Variants in TENT5D observed in about 807,000 individuals in gnomAD.
The protein encoded by TENT5D is cancer/testis antigen 112.
For synonymous variants in TENT5D, 103 were observed against 100.6 expected, an observed-to-expected ratio of 1.02 and a Z score of -0.15; for missense variants, 191 against 287.0, an observed-to-expected ratio of 0.67 and a Z score of 2.42.
chrX:80,432,880 T>C (rs1287133116), intron 1 of TENT5D, among the ~76,000 whole-genome samples: 1 of 110,945 alleles, frequency 9.0e-6, no homozygotes, highest in Non-Finnish European at 1.9e-5. Flanking sequence ...CTATGCTTAG[T>C]CTGTAGGCTT....
At chrX:80,384,718 T>C (rs1287314054) in intron 3 of TENT5D, among the ~76,000 whole-genome samples, 3 of 105,307 alleles carry the variant, frequency 2.8e-5, no homozygotes, top group African/African-American at 1.0e-4. Flanking sequence ...ATAAGCAGCT[T>C]CAGCAAAGTC....
At chrX:80,436,242 A>T (rs1026307900) in intron 1 of TENT5D, among the ~76,000 whole-genome samples, 4 of 111,040 alleles carry the variant, frequency 3.6e-5, no homozygotes, top group African/African-American at 1.3e-4. Context: ...AATATAGTAG[A>T]CATTCAGAAA....
intron 3 of TENT5D, among the ~76,000 whole-genome samples, chrX:80,410,757 G>A (rs1931642245): frequency 9.1e-6 from 1 of 109,566 alleles, no homozygotes; most frequent in Non-Finnish European, 1.9e-5. Context: ...TATACCCAAA[G>A]GGCTATAAAT....
intron 2 of TENT5D, among the ~76,000 whole-genome samples, chrX:80,439,847 C>G (rs1174277139): frequency 1.8e-5 from 2 of 109,948 alleles, no homozygotes; most frequent in Non-Finnish European, 3.8e-5. Flanking sequence ...TTTTCTAGGG[C>G]TAATTTTAAA....
At chrX:80,357,403 C>T (rs1010310931) in intron 3 of TENT5D, among the ~76,000 whole-genome samples, 1 of 108,334 alleles carries the variant, frequency 9.2e-6, no homozygotes, top group African/African-American at 3.4e-5. Context: ...TCCTATTTCT[C>T]CACATCCTCT....
exon 3 of TENT5D, chrX:80,443,701 A>G (rs145427021): frequency 1.7e-6 from 2 of 1,167,719 alleles, no homozygotes; most frequent in African/African-American, 1.8e-5. Flanking sequence ...ATCAAATGGT[A>G]TGAGTTAAAA....
intron 2 of TENT5D, among the ~76,000 whole-genome samples, chrX:80,341,857 G>C (rs1029463961): frequency 3.8e-5 from 4 of 105,865 alleles, no homozygotes; most frequent in Non-Finnish European, 7.8e-5. Flanking sequence ...GACTACAGGC[G>C]CCCGCTACCA....
At chrX:80,348,865 A>G (rs948827601) in intron 3 of TENT5D, among the ~76,000 whole-genome samples, 6 of 112,166 alleles carry the variant, frequency 5.3e-5, no homozygotes, top group Admixed American at 9.5e-5. Flanking sequence ...AGTTTTTAAC[A>G]TGAAGGGGTG....
chrX:80,443,564 C>T (rs200280082), exon 3 of TENT5D: 1 of 1,209,093 alleles, frequency 8.3e-7, no homozygotes, highest in Non-Finnish European at 1.1e-6. Flanking sequence ...CTACCCAATA[C>T]ACAAAAGGTA....
chrX:80,429,371 C>T lies in TENT5D; in HGVS notation c.-142+8808C>T, dbSNP rs181320498. ...AGGCTGAAATGCAGTGGCACAATCT[C>T]GGCTCATTGAAACCTCCACGTCCTG... On this transcript the variant is annotated intron_variant, in intron 1 of 2. Transcript: ENST00000308293. Among the ~76,000 whole-genome samples the T allele has an allele frequency of 4.6e-3, 516 of 111,118 alleles. 7 individuals carry two copies. Among genetic ancestry groups the T allele is most frequent in the African/African-American group, 0.016 (491 of 30,543 alleles).
intron 3 of TENT5D, among the ~76,000 whole-genome samples, chrX:80,378,984 TATG>T (rs1343540188): frequency 2.8e-5 from 3 of 109,000 alleles, no homozygotes; most frequent in Non-Finnish European, 3.8e-5. Flanking sequence ...GCCCATTCAT[TATG>T]ATATTGGCTG....
At chrX:80,390,173 G>A (rs890684957) in intron 3 of TENT5D, among the ~76,000 whole-genome samples, 1 of 111,613 alleles carries the variant, frequency 9.0e-6, no homozygotes, top group African/African-American at 3.2e-5. Flanking sequence ...CTTCTGACTG[G>A]TTTTATTTTC....
At chrX:80,374,414 C>A (rs975083075) in intron 3 of TENT5D, among the ~76,000 whole-genome samples, 2 of 111,305 alleles carry the variant, frequency 1.8e-5, no homozygotes, top group African/African-American at 6.5e-5. Context: ...TGAGGAATTG[C>A]CACACTGTTT....
intron 3 of TENT5D, among the ~76,000 whole-genome samples, chrX:80,369,574 A>G (rs1045474963): frequency 8.9e-6 from 1 of 112,265 alleles, no homozygotes; most frequent in African/African-American, 3.2e-5. Flanking sequence ...TTTATCCCCA[A>G]CAGCTAATAT....
At chrX:80,336,659 C>CA (rs990068751) in intron 2 of TENT5D, among the ~76,000 whole-genome samples, 13 of 109,944 alleles carry the variant, frequency 1.2e-4, no homozygotes, top group African/African-American at 4.0e-4. Context: ...ACAGCTATTT[C>CA]AAAAAAATCC....
At chrX:80,354,537 G>A (rs1930246347) in intron 3 of TENT5D, among the ~76,000 whole-genome samples, 1 of 112,032 alleles carries the variant, frequency 8.9e-6, no homozygotes, top group Non-Finnish European at 1.9e-5. Flanking sequence ...TTTTCCAGAA[G>A]TTCAGTTTGG....
At chrX:80,404,093 T>C (rs1453743295) in intron 3 of TENT5D, among the ~76,000 whole-genome samples, 2 of 111,471 alleles carry the variant, frequency 1.8e-5, no homozygotes, top group Non-Finnish European at 3.8e-5. Flanking sequence ...GAATACACAA[T>C]TTCGTCTGGT....
upstream of TENT5D, among the ~76,000 whole-genome samples, chrX:80,416,028 A>G (rs1390305007): frequency 2.7e-5 from 3 of 110,581 alleles, no homozygotes; most frequent in East Asian, 8.5e-4. Context: ...CAGTTGTTGT[A>G]TGTTTACAGG....
chrX:80,366,672 A>G (rs907668529), intron 3 of TENT5D, among the ~76,000 whole-genome samples: 4 of 111,346 alleles, frequency 3.6e-5, no homozygotes, highest in Non-Finnish European at 7.5e-5. Flanking sequence ...ACATTTTCCC[A>G]CTTAATCATC....
Sources: gnomAD v4.1 joint callset for allele counts (sites outside exome capture counted in the v4.1 genomes callset) on GRCh38, gnomAD v4.1.1 for gene constraint, MANE v1.5 for transcripts, NCBI Gene and HGNC (gene_info 2026-07-23, HGNC 2026-07-21) for gene names.